Variants in HYDIN observed in about 807,000 individuals in gnomAD.
HYDIN encodes HYDIN axonemal central pair apparatus protein.
A neutral mutation model predicts 403.9 loss-of-function variants in HYDIN; 132 were observed. The observed-to-expected ratio is 0.33, with a 90% CI of 0.28 to 0.38. HYDIN has a LOEUF of 0.38. HYDIN is among the 10% of genes least tolerant of loss of function. The pLI is 1.00. For missense variants in HYDIN, 2,827 were observed against 5,009.5 expected (o/e 0.56, Z 13.15); for synonymous variants, 1,202 against 1,891.7 (o/e 0.64, Z 9.46).
intron 18 of HYDIN, among the ~76,000 whole-genome samples, chr16:71,039,805 C>T (rs1458502285): frequency 1.3e-5 from 2 of 152,196 alleles, no homozygotes; most frequent in African/African-American, 4.8e-5. Context: ...TTTTTCCTGG[C>T]TGCAGGACCA....
chr16:70,990,254 G>C (rs1463115386), intron 25 of HYDIN, among the ~76,000 whole-genome samples: 2 of 148,748 alleles, frequency 1.3e-5, no homozygotes, highest in Admixed American at 1.3e-4. Context: ...AATTAGCCGG[G>C]CATGATGGCA....
chr16:71,230,140 G>C (rs545822605), intron 1 of HYDIN, among the ~76,000 whole-genome samples: 3 of 152,290 alleles, frequency 2.0e-5, no homozygotes, highest in Non-Finnish European at 1.5e-5. Context: ...TTTGTAATTA[G>C]CCTCAGATAT....
chr16:71,216,105 C>A (rs114143092), intron 1 of HYDIN, among the ~76,000 whole-genome samples: 3 of 152,130 alleles, frequency 2.0e-5, no homozygotes, highest in Admixed American at 2.0e-4. Flanking sequence ...TATGACCCAG[C>A]AGTTTTACCC....
intron 1 of HYDIN, among the ~76,000 whole-genome samples, chr16:71,211,015 A>C (rs2088559768): frequency 6.6e-6 from 1 of 152,162 alleles, no homozygotes; most frequent in Admixed American, 6.5e-5. Context: ...CATAAGAAAT[A>C]TTACACACAC....
intron 3 of HYDIN, among the ~76,000 whole-genome samples, chr16:71,181,883 G>A (rs985677843): frequency 6.6e-6 from 1 of 152,088 alleles, no homozygotes; most frequent in Non-Finnish European, 1.5e-5. Flanking sequence ...AGAACATAAA[G>A]TCAGGTAGTG....
chr16:71,061,339 T>C (rs964104194), intron 17 of HYDIN, among the ~76,000 whole-genome samples: 1 of 151,520 alleles, frequency 6.6e-6, no homozygotes, highest in African/African-American at 2.4e-5. Flanking sequence ...TACGGCATCT[T>C]ATATGGAAGA....
rs767717120 is a variant in HYDIN, at chr16:70,904,055, T to G, written c.8526A>C (p.Ser2842=). 7 of 1,580,494 alleles carry G rather than the reference T, an allele frequency of 4.4e-6. No individual in the cohort carries two copies. The highest frequency in any genetic ancestry group is 1.7e-4 in the Middle Eastern group (1 of 5,944). The stretch of plus-strand genomic sequence containing the variant: ...TCTCCATGTTGCCTGGGAATAAGGA[T>G]GACTTGTACCTGGGGATGAACAAGA... ...LCGKSRDKYK[S]SLFPGNMETL... The change falls in exon 51 of 86, where the codon TCA becomes TCC. Residue 2842 remains serine (S), a synonymous_variant. Coordinates refer to ENST00000393567, the MANE Select transcript of HYDIN (RefSeq NM_001270974.2).
intron 41 of HYDIN, among the ~76,000 whole-genome samples, chr16:70,947,423 G>T (rs899421823): frequency 7.9e-5 from 12 of 152,014 alleles, no homozygotes. Context: ...TTTCTGATGT[G>T]CTGCTGGATT....
At chr16:71,122,362 TG>T (rs1186319885) in intron 9 of HYDIN, among the ~76,000 whole-genome samples, 2 of 97,816 alleles carry the variant, frequency 2.0e-5, no homozygotes, top group Non-Finnish European at 4.1e-5. Flanking sequence ...TCCGAAAGGA[TG>T]ATCCTGATAA....
Position 71,020,262 on chromosome 16 carries a change from G to C in HYDIN, c.3242C>G (p.Ser1081Cys), listed in dbSNP as rs2080433570. Residue 1081 changes from serine to cysteine, a missense_variant, in exon 22 of 86, where the codon TCC becomes TGC. Ser to Cys is a moderately radical substitution (Grantham distance 112, BLOSUM62 -1). Transcript: ENST00000393567. ...CAGCAACAAGTTCACGGGCAGGGTG[G>C]AAATGTTCTTTATGGCCAAGGGCTG... Reference protein sequence around the residue: ...DYQPLAIKNISTLPVNLLLST... With the variant: ...DYQPLAIKNICTLPVNLLLST... 6.2e-7 allele frequency: 1 copy of C among 1,613,974 alleles called. No individual in the cohort carries two copies. Among genetic ancestry groups the C allele is most frequent in the Non-Finnish European group, 8.5e-7 (1 of 1,180,006 alleles).
chr16:70,897,316 T>G (rs1182627097), intron 53 of HYDIN, among the ~76,000 whole-genome samples: 1 of 152,152 alleles, frequency 6.6e-6, no homozygotes, highest in Non-Finnish European at 1.5e-5. Flanking sequence ...TCCACCTCTG[T>G]CTCTGCTCCA....
At chr16:70,905,774 A>G (rs556242558) in intron 50 of HYDIN, among the ~76,000 whole-genome samples, 71 of 152,132 alleles carry the variant, frequency 4.7e-4, no homozygotes, top group African/African-American at 1.5e-3. Flanking sequence ...GTTAATTCCA[A>G]TGCTGCCCCA....
intron 3 of HYDIN, among the ~76,000 whole-genome samples, chr16:71,184,031 G>A (rs1329558726): frequency 6.6e-6 from 1 of 152,088 alleles, no homozygotes; most frequent in Non-Finnish European, 1.5e-5. Flanking sequence ...TTTGGAGGGT[G>A]GTTGTGGGAA....
chr16:71,133,254 A>C (rs952374070), intron 8 of HYDIN: 5 of 456,244 alleles, frequency 1.1e-5, no homozygotes, highest in African/African-American at 2.0e-5. Flanking sequence ...CCATGTCCAC[A>C]CTTGGCCTGG....
intron 12 of HYDIN, among the ~76,000 whole-genome samples, chr16:71,084,337 T>G (rs2082871033): frequency 7.6e-6 from 1 of 132,076 alleles, no homozygotes; most frequent in African/African-American, 3.4e-5. Flanking sequence ...GCTGATTATC[T>G]GAAAACTATT....
intron 9 of HYDIN, among the ~76,000 whole-genome samples, chr16:71,126,386 C>G (rs569790802): frequency 6.6e-5 from 10 of 152,128 alleles, no homozygotes; most frequent in Non-Finnish European, 1.5e-4. Context: ...TCTCCACATA[C>G]AATGGGTTAG....
chr16:71,227,653 C>G lies in HYDIN; in HGVS notation c.-24+2909G>C, dbSNP rs145292563. On this transcript the variant is annotated intron_variant, in intron 1 of 85. Coordinates refer to ENST00000393567, the MANE Select transcript of HYDIN (RefSeq NM_001270974.2). ...AGGAGAAGTACAAACCACTGCTCAA[C>G]GAAATAAAAGAGGACACAAATGGAA... Among the ~76,000 whole-genome samples, 296 of 152,006 alleles carry G rather than the reference C, an allele frequency of 1.9e-3. 2 individuals are homozygous for G. The highest frequency in any genetic ancestry group is 6.7e-3 in the African/African-American group (278 of 41,468).
chr16:71,097,776 G>C (rs2083317224), intron 10 of HYDIN, among the ~76,000 whole-genome samples: 1 of 149,474 alleles, frequency 6.7e-6, no homozygotes, highest in Non-Finnish European at 1.5e-5. Flanking sequence ...GGATATATTT[G>C]CTCTGTATGG....
intron 45 of HYDIN, among the ~76,000 whole-genome samples, chr16:70,929,150 C>A (rs1440066848): frequency 7.0e-6 from 1 of 143,092 alleles, no homozygotes; most frequent in African/African-American, 2.6e-5. Context: ...ATTAGCTGGG[C>A]GTGGTGGTGC....
Sources: allele counts gnomAD v4.1 joint callset (sites outside exome capture counted in the v4.1 genomes callset), GRCh38; gene constraint gnomAD v4.1.1; transcripts MANE v1.5; gene names NCBI Gene and HGNC (gene_info 2026-07-23, HGNC 2026-07-21).